SGCZ: variants seen among roughly 807,000 people sequenced by gnomAD.
SGCZ encodes the protein sarcoglycan zeta.
Under a neutral mutation model 41.3 loss-of-function variants are expected in SGCZ, and 40 were observed. The ratio of observed to expected loss-of-function variants is 0.97; its 90% CI spans 0.75 to 1.26. The LOEUF (loss-of-function observed/expected upper bound fraction) is 1.26. Ranked by LOEUF, SGCZ falls within the 50% of genes most tolerant of loss-of-function variation. The pLI is 0.00. For synonymous variants in SGCZ, 206 were observed against 137.5 expected, an observed-to-expected ratio of 1.50 and a Z score of -3.49; for missense variants, 552 against 369.8, an observed-to-expected ratio of 1.49 and a Z score of -4.04.
intron 2 of SGCZ, among the ~76,000 whole-genome samples, chr8:14,338,446 G>A (rs754165467): frequency 1.3e-5 from 2 of 152,138 alleles, no homozygotes; most frequent in Non-Finnish European, 2.9e-5. Context: ...CTCACCTTTG[G>A]ACAATTCTCA....
Position 14,932,161 on chromosome 8 carries a change from C to T in SGCZ, c.39+305424G>A, listed in dbSNP as rs181199453. ...GAAGAAAATAACATAGTACATAGTT[C>T]TCTGGTGACAATTGAAAATCATTCC... On this transcript the variant is annotated intron_variant, in intron 1 of 7. Coordinates refer to ENST00000382080, the MANE Select transcript of SGCZ (RefSeq NM_139167.4). Among the ~76,000 whole-genome samples the T allele has an allele frequency of 1.1e-3, 161 of 151,938 alleles. 2 individuals carry two copies. The highest frequency in any genetic ancestry group is 1.2e-4 in the Non-Finnish European group (8 of 67,974).
chr8:15,075,286 C>T (rs1185906563), intron 1 of SGCZ, among the ~76,000 whole-genome samples: 3 of 151,796 alleles, frequency 2.0e-5, no homozygotes, highest in Non-Finnish European at 4.4e-5. Flanking sequence ...CTAAGAAATA[C>T]ACTTCTCAGA....
intron 1 of SGCZ, among the ~76,000 whole-genome samples, chr8:14,917,130 A>G (rs1799460606): frequency 6.6e-6 from 1 of 152,138 alleles, no homozygotes; most frequent in Non-Finnish European, 1.5e-5. Flanking sequence ...ATCAAAATAT[A>G]CATTGCCAGG....
chr8:15,078,872 C>T (rs1704770786), intron 1 of SGCZ, among the ~76,000 whole-genome samples: 1 of 152,110 alleles, frequency 6.6e-6, no homozygotes, highest in African/African-American at 2.4e-5. Context: ...ATCCTCCTTT[C>T]TCTTCAGTTT....
At chr8:14,591,014 AT>A (rs148178831) in intron 1 of SGCZ, among the ~76,000 whole-genome samples, 2,546 of 149,712 alleles carry the variant, frequency 0.017, 68 homozygotes, top group African/African-American at 0.058. Flanking sequence ...TTATGCCATC[AT>A]TTTTTTTTCA....
chr8:14,123,256 G>A (rs534789964), intron 5 of SGCZ, among the ~76,000 whole-genome samples: 1 of 152,274 alleles, frequency 6.6e-6, no homozygotes, highest in South Asian at 2.1e-4. Flanking sequence ...CTTAAAGACC[G>A]AAAATAACAA....
rs541194603 is a variant in SGCZ, at chr8:15,125,923, A to G, written c.39+111662T>C. On this transcript the variant is annotated intron_variant, in intron 1 of 7. Coordinates refer to ENST00000382080, the MANE Select transcript of SGCZ (RefSeq NM_139167.4). ...CAGTTTGGGAAGCCAAGGCAAGTGGATCACCTGAGGTCAGGAGTTTGAGAC... is the reference window on the plus strand; with the variant it reads ...CAGTTTGGGAAGCCAAGGCAAGTGGGTCACCTGAGGTCAGGAGTTTGAGAC... Among the ~76,000 whole-genome samples the G allele has an allele frequency of 7.6e-4, 115 of 152,304 alleles. 1 individual carries two copies. The highest frequency in any genetic ancestry group is 2.7e-3 in the African/African-American group (111 of 41,568).
chr8:15,119,871 G>A (rs1563136476), intron 1 of SGCZ, among the ~76,000 whole-genome samples: 1 of 152,066 alleles, frequency 6.6e-6, no homozygotes, highest in Non-Finnish European at 1.5e-5. Context: ...GTGCAGTAGT[G>A]CGATCATAAC....
At chr8:14,512,224 G>C (rs1009412142) in intron 2 of SGCZ, among the ~76,000 whole-genome samples, 1 of 152,076 alleles carries the variant, frequency 6.6e-6, no homozygotes, top group Admixed American at 6.6e-5. Flanking sequence ...AAAGGAAGAC[G>C]CTGAAGTGCC....
At chr8:14,263,660 C>A (rs1194798500) in intron 3 of SGCZ, among the ~76,000 whole-genome samples, 2 of 152,038 alleles carry the variant, frequency 1.3e-5, no homozygotes, top group African/African-American at 4.8e-5. Context: ...ATCATCTACC[C>A]ACAGAAACAT....
At chr8:14,178,675 G>A (rs1804628585) in intron 4 of SGCZ, among the ~76,000 whole-genome samples, 1 of 152,222 alleles carries the variant, frequency 6.6e-6, no homozygotes. Context: ...GTAAACACCT[G>A]ATATTCACAG....
At chr8:14,560,025 G>A (rs1007507779) in intron 1 of SGCZ, among the ~76,000 whole-genome samples, 1 of 152,184 alleles carries the variant, frequency 6.6e-6, no homozygotes, top group African/African-American at 2.4e-5. Context: ...TCAAGGTTCT[G>A]ACAGTGGTTT....
intron 1 of SGCZ, among the ~76,000 whole-genome samples, chr8:15,082,045 A>T (rs1004815064): frequency 2.0e-5 from 3 of 152,062 alleles, no homozygotes; most frequent in Non-Finnish European, 4.4e-5. Flanking sequence ...CCTGGCCAAC[A>T]TGGTGAAACC....
intron 1 of SGCZ, among the ~76,000 whole-genome samples, chr8:15,237,252 G>GAC: frequency 6.7e-6 from 1 of 150,014 alleles, no homozygotes; most frequent in African/African-American, 2.5e-5. Context: ...TGGTGCCGCT[G>GAC]CCCCCCCCGG....
chr8:15,184,639 G>A (rs1467348593), intron 1 of SGCZ, among the ~76,000 whole-genome samples: 1 of 152,178 alleles, frequency 6.6e-6, no homozygotes, highest in Non-Finnish European at 1.5e-5. Flanking sequence ...ACTGAGAGGT[G>A]AGGGAAGAGA....
intron 5 of SGCZ, among the ~76,000 whole-genome samples, chr8:14,148,906 C>A (rs1454467239): frequency 6.6e-6 from 1 of 152,068 alleles, no homozygotes; most frequent in African/African-American, 2.4e-5. Context: ...CGATGTGGTA[C>A]ATCAAGTCAA....
At chr8:15,089,576 T>C (rs1806074817) in intron 1 of SGCZ, among the ~76,000 whole-genome samples, 1 of 152,036 alleles carries the variant, frequency 6.6e-6, no homozygotes, top group South Asian at 2.1e-4. Flanking sequence ...GATTGGGAAA[T>C]AAAATGCATA....
intron 1 of SGCZ, among the ~76,000 whole-genome samples, chr8:14,592,920 T>A (rs1805285668): frequency 6.6e-6 from 1 of 152,186 alleles, no homozygotes; most frequent in Non-Finnish European, 1.5e-5. Flanking sequence ...TATGAATCCA[T>A]TTGTCTTTAG....
At chr8:14,502,840 T>C (rs533954591) in intron 2 of SGCZ, among the ~76,000 whole-genome samples, 22 of 152,282 alleles carry the variant, frequency 1.4e-4, no homozygotes, top group African/African-American at 4.8e-4. Flanking sequence ...GAACACTTTA[T>C]ACTGTTGGTG....
Sources: gnomAD v4.1 joint callset for allele counts (sites outside exome capture counted in the v4.1 genomes callset) on GRCh38, gnomAD v4.1.1 for gene constraint, MANE v1.5 for transcripts, NCBI Gene and HGNC (gene_info 2026-07-23, HGNC 2026-07-21) for gene names.